FER1L6: variants seen among roughly 807,000 people sequenced by gnomAD.
FER1L6 encodes the protein fer-1 like family member 6.
A neutral mutation model predicts 219.2 loss-of-function variants in FER1L6; 177 were observed. The ratio of observed to expected loss-of-function variants is 0.81; its 90% CI spans 0.71 to 0.91. The LOEUF (loss-of-function observed/expected upper bound fraction) is 0.91, where lower values mean the gene tolerates loss of function less well. Ranked by LOEUF, FER1L6 falls within the 40% of genes least tolerant of loss-of-function variation. FER1L6 has a pLI of 0.00. For missense variants in FER1L6, 2,153 were observed against 2,259.9 expected (o/e 0.95, Z 0.96); for synonymous variants, 768 against 824.3 (o/e 0.93, Z 1.17).
chr8:124,074,701 G>A (rs1232662771), intron 31 of FER1L6, among the ~76,000 whole-genome samples: 5 of 151,234 alleles, frequency 3.3e-5, no homozygotes, highest in Non-Finnish European at 4.4e-5. Flanking sequence ...ATCTTTTAAC[G>A]AAGGGAATAC....
chr8:124,010,829 G>A, intron 14 of FER1L6, 115 bp downstream of exon 14: 1 of 1,409,428 alleles, frequency 7.1e-7, no homozygotes, highest in Non-Finnish European at 9.6e-7. Flanking sequence ...AATAAATTGA[G>A]GATGCTGCAT....
intron 1 of FER1L6, among the ~76,000 whole-genome samples, chr8:123,898,116 A>C (rs191055485): frequency 5.3e-5 from 8 of 152,322 alleles, no homozygotes; most frequent in African/African-American, 1.9e-4. Context: ...AGTTTAATCA[A>C]AATGTAATTT....
chr8:123,866,503 A>G (rs1372940160), intron 1 of FER1L6, among the ~76,000 whole-genome samples: 1 of 152,136 alleles, frequency 6.6e-6, no homozygotes, highest in Non-Finnish European at 1.5e-5. Context: ...TTGGATATAT[A>G]CCTAGAGATG....
At chr8:124,020,964 G>A (rs1818430873) in intron 16 of FER1L6, among the ~76,000 whole-genome samples, 1 of 152,096 alleles carries the variant, frequency 6.6e-6, no homozygotes, top group African/African-American at 2.4e-5. Flanking sequence ...AGGTTTAATT[G>A]ACGCACAGTT....
chr8:123,908,200 G>A (rs1812987425), intron 1 of FER1L6, among the ~76,000 whole-genome samples: 3 of 152,204 alleles, frequency 2.0e-5, no homozygotes, highest in Admixed American at 6.5e-5. Flanking sequence ...GTTATCTTGG[G>A]CAAATAATGT....
chr8:123,901,673 G>A (rs558237878), intron 1 of FER1L6, among the ~76,000 whole-genome samples: 88 of 151,614 alleles, frequency 5.8e-4, no homozygotes, highest in Non-Finnish European at 3.8e-4. Context: ...CGCCTTTGCC[G>A]TATCCCAGAG....
At chr8:123,978,699 C>T (rs1380714321) in intron 10 of FER1L6, among the ~76,000 whole-genome samples, 2 of 152,048 alleles carry the variant, frequency 1.3e-5, no homozygotes, top group African/African-American at 2.4e-5. Flanking sequence ...CACATATCAT[C>T]TGTATATGGT....
chr8:124,065,333 G>A (rs551735304), intron 26 of FER1L6, among the ~76,000 whole-genome samples: 45 of 150,962 alleles, frequency 3.0e-4, no homozygotes, highest in East Asian at 2.5e-3. Context: ...CCTGGGAGGC[G>A]GAGGCTGCAG....
In FER1L6 at chr8:124,042,229, C is replaced by G. The variant is rs546357473; in HGVS notation, c.2589+2223C>G. ...GATTTACATCCATATCTCAAAGGAACAGATGGCTTTTATTTGTCAAATAAT... is the reference window on the plus strand; with the variant it reads ...GATTTACATCCATATCTCAAAGGAAGAGATGGCTTTTATTTGTCAAATAAT... On this transcript the variant is annotated intron_variant, in intron 20 of 40. Transcript: ENST00000522917. 1.5e-3 allele frequency among the ~76,000 whole-genome samples: 231 copies of G among 152,330 alleles called. 5 individuals carry two copies. Among genetic ancestry groups the G allele is most frequent in the Non-Finnish European group, 1.8e-3 (123 of 68,022 alleles).
chr8:123,858,254 G>A (rs1220465740), intron 1 of FER1L6, among the ~76,000 whole-genome samples: 1 of 152,204 alleles, frequency 6.6e-6, no homozygotes, highest in African/African-American at 2.4e-5. Flanking sequence ...TCTGGAGATG[G>A]CGTCTGTCAG....
At chr8:124,039,731 A>T in intron 19 of FER1L6, 151 bp from the exon 20 acceptor site, 1 of 969,216 alleles carries the variant, frequency 1.0e-6, no homozygotes, top group Non-Finnish European at 1.6e-6. Context: ...CAGGACTTCC[A>T]TTCCTGTCTC....
chr8:123,865,157 T>G (rs1345539027), intron 1 of FER1L6, among the ~76,000 whole-genome samples: 1 of 149,110 alleles, frequency 6.7e-6, no homozygotes, highest in Non-Finnish European at 1.5e-5. Flanking sequence ...AGATGGGTTT[T>G]CGGTGTGGAT....
intron 1 of FER1L6, among the ~76,000 whole-genome samples, chr8:123,923,285 C>G (rs1000750410): frequency 1.3e-5 from 2 of 152,200 alleles, no homozygotes; most frequent in Non-Finnish European, 2.9e-5. Flanking sequence ...GACAGAGGCA[C>G]AGAGAGGCGA....
At chr8:123,858,357 A>C (rs1472748291) in intron 1 of FER1L6, among the ~76,000 whole-genome samples, 1 of 152,206 alleles carries the variant, frequency 6.6e-6, no homozygotes, top group African/African-American at 2.4e-5. Flanking sequence ...AGCAGAAGTC[A>C]ATATGCTAAG....
At chr8:124,101,027 TC>T in intron 37 of FER1L6, 69 bp from the exon 38 acceptor site, 16 of 1,425,002 alleles carry the variant, frequency 1.1e-5, no homozygotes, top group Non-Finnish European at 1.5e-5. Context: ...ATAAGCTAAA[TC>T]ACTTATGATT....
intron 1 of FER1L6, among the ~76,000 whole-genome samples, chr8:123,854,363 A>G (rs1050893378): frequency 6.6e-6 from 1 of 152,144 alleles, no homozygotes; most frequent in Non-Finnish European, 1.5e-5. Context: ...GCACACCCAG[A>G]TGTCTGCGTG....
intron 22 of FER1L6, 126 bp from the exon 23 acceptor site, chr8:124,060,053 AT>A: frequency 1.4e-6 from 1 of 700,598 alleles, no homozygotes; most frequent in South Asian, 1.7e-5. Context: ...TGGTCCTTGT[AT>A]TTTAAGCTGG....
chr8:124,088,927 G>A (rs555772128), intron 33 of FER1L6, among the ~76,000 whole-genome samples: 48 of 152,072 alleles, frequency 3.2e-4, no homozygotes, highest in Middle Eastern at 3.4e-3. Context: ...GAAGGAGTCT[G>A]TCCTGGGCCT....
intron 19 of FER1L6, among the ~76,000 whole-genome samples, chr8:124,038,660 C>T (rs1036469020): frequency 5.9e-5 from 9 of 152,096 alleles, no homozygotes; most frequent in Non-Finnish European, 8.8e-5. Flanking sequence ...ATTATTACCT[C>T]GATTTTACAA....
Sources: allele counts gnomAD v4.1 joint callset (sites outside exome capture counted in the v4.1 genomes callset), GRCh38; gene constraint gnomAD v4.1.1; transcripts MANE v1.5; gene names NCBI Gene and HGNC (gene_info 2026-07-23, HGNC 2026-07-21).